SEMA3A: variants seen among roughly 807,000 people sequenced by gnomAD.
SEMA3A encodes the protein semaphorin 3A.
Under a neutral mutation model 97.9 loss-of-function variants are expected in SEMA3A, and 29 were observed. That is an observed-to-expected ratio of 0.30 (90% CI 0.22 to 0.40). The LOEUF is 0.40. SEMA3A is among the 10% of genes least tolerant of loss of function. The pLI is 1.00. For synonymous variants in SEMA3A, 321 were observed against 323.7 expected (o/e 0.99, Z 0.09); for missense variants, 763 against 951.3 (o/e 0.80, Z 2.60).
At chr7:84,372,845 C>G (rs1803005594) in intron 1 of SEMA3A, among the ~76,000 whole-genome samples, 1 of 152,116 alleles carries the variant, frequency 6.6e-6, no homozygotes, top group Non-Finnish European at 1.5e-5. Context: ...TCCGTCTTAT[C>G]TCCATGCTTT....
Position 84,165,506 on chromosome 7 carries a change from A to G in SEMA3A, c.112+28969T>C, listed in dbSNP as rs561090666. The stretch of plus-strand genomic sequence containing the variant: ...GTTCTAGTGAAAAAAAAAATATTAC[A>G]TATGGTGGGCACATGAGTTCACTTG... On this transcript the variant is annotated intron_variant, in intron 1 of 16. Coordinates refer to ENST00000265362, the MANE Select transcript of SEMA3A (RefSeq NM_006080.3). 2.0e-5 allele frequency among the ~76,000 whole-genome samples: 3 copies of G among 152,224 alleles called. No homozygotes were observed. In the South Asian group the frequency reaches 6.2e-4, roughly 32 times the overall value.
intron 4 of SEMA3A, among the ~76,000 whole-genome samples, chr7:84,099,948 A>G (rs546453524): frequency 2.0e-5 from 3 of 152,132 alleles, no homozygotes; most frequent in Non-Finnish European, 2.9e-5. Context: ...GAAAACTTGC[A>G]TGGTTCTTGA....
At chr7:84,183,654 G>T (rs1329342081) in intron 1 of SEMA3A, among the ~76,000 whole-genome samples, 2 of 151,836 alleles carry the variant, frequency 1.3e-5, no homozygotes, top group African/African-American at 4.8e-5. Flanking sequence ...TAATAATAAT[G>T]CATATTATCA....
chr7:84,052,560 C>T (rs1220086034), intron 5 of SEMA3A, among the ~76,000 whole-genome samples: 1 of 151,540 alleles, frequency 6.6e-6, no homozygotes, highest in African/African-American at 2.4e-5. Flanking sequence ...TGGTGATATC[C>T]CCTTTGTCAT....
At chr7:84,210,077 T>C (rs1187159637) in intron 3 of SEMA3A, among the ~76,000 whole-genome samples, 1 of 152,198 alleles carries the variant, frequency 6.6e-6, no homozygotes, top group Non-Finnish European at 1.5e-5. Flanking sequence ...ACCAATATTA[T>C]TGATAATAAT....
intron 2 of SEMA3A, among the ~76,000 whole-genome samples, chr7:84,330,664 G>C (rs907047907): frequency 6.6e-6 from 1 of 151,900 alleles, no homozygotes; most frequent in Non-Finnish European, 1.5e-5. Context: ...TTTTCCCCCT[G>C]TGGTACATGG....
At chr7:84,241,437 C>G (rs962351564) in intron 3 of SEMA3A, among the ~76,000 whole-genome samples, 1 of 152,108 alleles carries the variant, frequency 6.6e-6, no homozygotes, top group Non-Finnish European at 1.5e-5. Context: ...CCTTGGCTCA[C>G]TTTTTGATGG....
intron 5 of SEMA3A, among the ~76,000 whole-genome samples, chr7:84,049,798 T>A (rs1371643080): frequency 8.6e-5 from 13 of 151,148 alleles, no homozygotes; most frequent in Non-Finnish European, 1.9e-4. Context: ...TGTGCCATGC[T>A]GGTGTGCTGC....
rs183223234 is a variant in SEMA3A at position 84,387,100 on chromosome 7, A to C, written c.-245-15200T>G. Among the ~76,000 whole-genome samples, 103 of 152,288 alleles carry C rather than the reference A, an allele frequency of 6.8e-4. 1 individual carries two copies. Among genetic ancestry groups the C allele is most frequent in the Admixed American group, 1.0e-3 (16 of 15,290 alleles). On this transcript the variant is annotated intron_variant, in intron 1 of 3. Transcript: ENST00000424555. Reference sequence around the variant, plus strand: ...TTAAAAGAGATAATTTGTATAAACTACCAGACATCTATTCTGTATTTGGTG... The same window carrying C: ...TTAAAAGAGATAATTTGTATAAACTCCCAGACATCTATTCTGTATTTGGTG...
chr7:84,177,839 T>C lies in SEMA3A; in HGVS notation c.112+16636A>G, dbSNP rs1173836569. 2.6e-5 allele frequency among the ~76,000 whole-genome samples: 4 copies of C among 152,136 alleles called. No individual in the cohort carries two copies. The South Asian group carries it at 6.2e-4, about 24-fold the overall frequency. Reference sequence around the variant, plus strand: ...TTTACTTCCACCCCTTTAAATGTCATGATAAACTTCTGGATATAACATTGT... The same window carrying C: ...TTTACTTCCACCCCTTTAAATGTCACGATAAACTTCTGGATATAACATTGT... On this transcript the variant is annotated intron_variant, in intron 1 of 16. Transcript: ENST00000265362.
At chr7:84,131,165 G>A (rs1285060465) in intron 2 of SEMA3A, among the ~76,000 whole-genome samples, 1 of 151,962 alleles carries the variant, frequency 6.6e-6, no homozygotes. Flanking sequence ...AAATTTTGAT[G>A]TAGAAATGTT....
intron 2 of SEMA3A, among the ~76,000 whole-genome samples, chr7:84,341,445 A>G (rs140239491): frequency 6.6e-6 from 1 of 152,236 alleles, no homozygotes; most frequent in East Asian, 1.9e-4. Flanking sequence ...TTTTTTTCTA[A>G]ATTAAAAAAT....
chr7:84,181,723 T>C (rs574851582), intron 1 of SEMA3A, among the ~76,000 whole-genome samples: 11 of 152,322 alleles, frequency 7.2e-5, no homozygotes, highest in African/African-American at 2.6e-4. Context: ...TTCTTTGTGA[T>C]GTGGTTATAA....
chr7:84,071,680 C>A (rs537538073), intron 4 of SEMA3A, among the ~76,000 whole-genome samples: 2 of 152,112 alleles, frequency 1.3e-5, no homozygotes, highest in African/African-American at 4.8e-5. Flanking sequence ...GCATAGCAAT[C>A]TATCCATACC....
rs528151738 is a variant in SEMA3A, at chr7:84,203,768, T to C, written c.-82-9100A>G. Among the ~76,000 whole-genome samples the C allele has an allele frequency of 8.4e-4, 127 of 151,666 alleles. 1 individual carries two copies. Among genetic ancestry groups the C allele is most frequent in the African/African-American group, 2.9e-3 (119 of 41,358 alleles). On this transcript the variant is annotated intron_variant, in intron 3 of 3. Transcript: ENST00000424555. ...CTGGTCTCGAACTCCTGACCGCAGGTGATCCAACCGCCCCAGCCTCCCAAA... is the reference window on the plus strand; with the variant it reads ...CTGGTCTCGAACTCCTGACCGCAGGCGATCCAACCGCCCCAGCCTCCCAAA...
At chr7:84,124,420 T>C (rs1427273613) in intron 3 of SEMA3A, among the ~76,000 whole-genome samples, 1 of 152,230 alleles carries the variant, frequency 6.6e-6, no homozygotes, top group East Asian at 1.9e-4. Flanking sequence ...GTTACAATTC[T>C]GTCTTGGAGC....
intron 2 of SEMA3A, among the ~76,000 whole-genome samples, chr7:84,323,138 C>T (rs974878631): frequency 1.3e-5 from 2 of 152,258 alleles, no homozygotes; most frequent in Non-Finnish European, 2.9e-5. Flanking sequence ...ATAATAAATG[C>T]TCCATAAGTA....
chr7:84,436,255 C>G (rs1201550092), intron 1 of SEMA3A, among the ~76,000 whole-genome samples: 1 of 152,132 alleles, frequency 6.6e-6, no homozygotes, highest in Non-Finnish European at 1.5e-5. Flanking sequence ...AAACACCATT[C>G]TGGACTTTGC....
intron 1 of SEMA3A, among the ~76,000 whole-genome samples, chr7:84,455,910 A>G (rs1805673876): frequency 6.6e-6 from 1 of 151,962 alleles, no homozygotes; most frequent in South Asian, 2.1e-4. Flanking sequence ...CCTACTTGGC[A>G]ATAGGCAATA....
Sources: gnomAD v4.1 joint callset for allele counts (sites outside exome capture counted in the v4.1 genomes callset) on GRCh38, gnomAD v4.1.1 for gene constraint, MANE v1.5 for transcripts, NCBI Gene and HGNC (gene_info 2026-07-23, HGNC 2026-07-21) for gene names.